The following TRAPPC8 variants were observed in gnomAD, a reference collection of about 807,000 sequenced individuals.
The protein encoded by TRAPPC8 is trafficking protein particle complex subunit 8.
A neutral mutation model predicts 174.3 loss-of-function variants in TRAPPC8; 54 were observed. That is an observed-to-expected ratio of 0.31 (90% CI 0.25 to 0.39). The LOEUF is 0.39. TRAPPC8 is among the 10% of genes least tolerant of loss of function. The pLI, the probability that TRAPPC8 is intolerant of heterozygous loss-of-function variation, is 1.00. For synonymous variants in TRAPPC8, 630 were observed against 579.9 expected (o/e 1.09, Z -1.24); for missense variants, 1,531 against 1,699.1 (o/e 0.90, Z 1.74).
At chr18:31,886,345 GAAAAAA>G (rs397858057) in intron 12 of TRAPPC8, among the ~76,000 whole-genome samples, 3 of 23,742 alleles carry the variant, frequency 1.3e-4, no homozygotes, top group Admixed American at 3.4e-4. Context: ...GTTTCTTGAG[GAAAAAA>G]AAAAAAAAAA....
chr18:31,871,130 A>T lies in TRAPPC8; in HGVS notation c.2063-10T>A. On this transcript the variant is annotated splice_polypyrimidine_tract_variant and intron_variant, in intron 14 of 28. Transcript: ENST00000283351. Reference sequence around the variant, plus strand: ...GCTGCTTGTTTTTCACCTAAAAAAAATTTGTTAACAACACGTTTATGAAGA... The same window carrying T: ...GCTGCTTGTTTTTCACCTAAAAAAATTTTGTTAACAACACGTTTATGAAGA... The T allele has an allele frequency of 6.6e-7, 1 of 1,508,640 alleles. No individual in the cohort carries two copies. Among genetic ancestry groups the T allele is most frequent in the Non-Finnish European group, 8.9e-7 (1 of 1,117,980 alleles). 93.5% of individuals were successfully genotyped at this position (1,508,640 alleles called of 1,614,324 possible). A position where few individuals can be genotyped will look rare whatever the true frequency, so the allele number is the denominator to read the frequency against.
At chr18:31,935,444 G>A (rs916458988) in intron 1 of TRAPPC8, among the ~76,000 whole-genome samples, 5 of 146,448 alleles carry the variant, frequency 3.4e-5, no homozygotes, top group African/African-American at 5.1e-5. Flanking sequence ...CCAGCTACTC[G>A]GCAGGCTGAG....
chr18:31,888,474 T>C (rs1053388363), intron 12 of TRAPPC8, among the ~76,000 whole-genome samples: 26 of 152,228 alleles, frequency 1.7e-4, no homozygotes, highest in African/African-American at 5.1e-4. Context: ...ATATGTTCAC[T>C]GCAGCACTAT....
At chr18:31,926,879 C>G (rs7229729) in intron 2 of TRAPPC8, among the ~76,000 whole-genome samples, 151,711 of 152,352 alleles carry the variant, frequency 1, 75,539 homozygotes, top group East Asian at 1. Context: ...AAAGGATAGA[C>G]AGTAATTAAG....
At chr18:31,903,859 A>C (rs78690643) in intron 9 of TRAPPC8, among the ~76,000 whole-genome samples, 806 of 79,942 alleles carry the variant, frequency 0.01, 4 homozygotes, top group Middle Eastern at 0.028. Context: ...GATCTGTATC[A>C]AAAAAAAAAA....
intron 9 of TRAPPC8, among the ~76,000 whole-genome samples, chr18:31,901,993 AT>A (rs2036448611): frequency 1.3e-5 from 2 of 152,156 alleles, no homozygotes; most frequent in South Asian, 4.1e-4. Context: ...TCACTGTAGT[AT>A]TTGACAGTTA....
At chr18:31,901,658 C>A (rs1424147382) in intron 9 of TRAPPC8, among the ~76,000 whole-genome samples, 2 of 152,158 alleles carry the variant, frequency 1.3e-5, no homozygotes, top group Non-Finnish European at 2.9e-5. Flanking sequence ...TTACGAAAGG[C>A]TCAGGCAAAT....
chr18:31,910,210 T>C (rs1273330947), intron 5 of TRAPPC8, among the ~76,000 whole-genome samples: 1 of 152,122 alleles, frequency 6.6e-6, no homozygotes, highest in Non-Finnish European at 1.5e-5. Context: ...ATTCTGAATA[T>C]ACTGAAGTGT....
At chr18:31,902,152 T>C (rs898714118) in intron 9 of TRAPPC8, among the ~76,000 whole-genome samples, 2 of 151,322 alleles carry the variant, frequency 1.3e-5, no homozygotes, top group African/African-American at 2.5e-5. Context: ...CTGTCTCTAA[T>C]AATAATACAA....
intron 11 of TRAPPC8, among the ~76,000 whole-genome samples, chr18:31,892,191 A>C (rs2035980757): frequency 6.6e-6 from 1 of 152,220 alleles, no homozygotes; most frequent in Non-Finnish European, 1.5e-5. Context: ...TTCCTAGCCC[A>C]TGCTTCATGT....
At position 31,914,105 on chromosome 18, in the gene TRAPPC8, C is replaced by G. The variant is rs2037031603; in HGVS notation, c.618-583G>C. On this transcript the variant is annotated intron_variant, in intron 4 of 28. Coordinates refer to ENST00000283351, the MANE Select transcript of TRAPPC8 (RefSeq NM_014939.5). Reference sequence around the variant, plus strand: ...TTGAGCCCAGGCACTGCACTCTAGCCTAGGCAACAGAGTGAGACCCCCATC... The same window carrying G: ...TTGAGCCCAGGCACTGCACTCTAGCGTAGGCAACAGAGTGAGACCCCCATC... Among the ~76,000 whole-genome samples the G allele has an allele frequency of 2.1e-5, 3 of 140,830 alleles. No individual in the cohort carries two copies. In the Admixed American group the frequency reaches 2.3e-4, roughly 11 times the overall value. The allele number at this position is 140,830 out of a possible 152,430, so 92.4% of individuals were successfully genotyped here. A position where few individuals can be genotyped will look rare whatever the true frequency, so the allele number is the denominator to read the frequency against.
intron 4 of TRAPPC8, among the ~76,000 whole-genome samples, chr18:31,913,901 G>C (rs563996545): frequency 6.6e-6 from 1 of 152,006 alleles, no homozygotes; most frequent in Non-Finnish European, 1.5e-5. Flanking sequence ...GACTCAGCGT[G>C]GTGGCCATAA....
intron 24 of TRAPPC8, 94 bp downstream of exon 24, chr18:31,852,352 C>G (rs111512055): frequency 5.6e-6 from 8 of 1,422,044 alleles, no homozygotes; most frequent in African/African-American, 1.4e-5. Flanking sequence ...CAAAAAAAAG[C>G]GTTTGGGAAT....
At chr18:31,836,081 G>A (rs941208504) in intron 27 of TRAPPC8, among the ~76,000 whole-genome samples, 1 of 152,182 alleles carries the variant, frequency 6.6e-6, no homozygotes, top group Non-Finnish European at 1.5e-5. Flanking sequence ...GAAATGGTTT[G>A]TTATGAAGCA....
rs139855120 is a variant in TRAPPC8 at position 31,899,127 on chromosome 18, T to C, written c.1491-1236A>G. 7.2e-3 allele frequency among the ~76,000 whole-genome samples: 1,101 copies of C among 152,336 alleles called. 13 individuals carry two copies. The highest frequency in any genetic ancestry group is 0.025 in the African/African-American group (1,055 of 41,588). On this transcript the variant is annotated intron_variant, in intron 10 of 28. Coordinates refer to ENST00000283351, the MANE Select transcript of TRAPPC8 (RefSeq NM_014939.5). Reference sequence around the variant, plus strand: ...TTGATGAACACAAAAGACTAACTCCTATATACTAGCAACTACTTATATAAT... The same window carrying C: ...TTGATGAACACAAAAGACTAACTCCCATATACTAGCAACTACTTATATAAT...
Position 31,830,956 on chromosome 18 carries a change from T to C in TRAPPC8, c.4107A>G (p.Thr1369=), listed in dbSNP as rs35890295. Residue 1369 remains threonine, a synonymous_variant, in exon 29 of 29, where the codon ACA becomes ACG. Transcript: ENST00000283351. ...GTTTATACTGTGTTTGTCCAAGCCA[T>C]GTGAATGATCCATGGATTTCCAGTG... ...PEALEIHGSF[T]WLGQTQYKLQ... is the part of the protein sequence containing the mutation. The C allele has an allele frequency of 1.4e-3, 2,181 of 1,613,876 alleles. 32 individuals are homozygous for C. The African/African-American group carries it at 0.026, about 19-fold the overall frequency.
At chr18:31,852,560 C>A in intron 23 of TRAPPC8, 35 bp downstream of exon 23, 1 of 1,613,514 alleles carries the variant, frequency 6.2e-7, no homozygotes, top group Non-Finnish European at 8.5e-7. Flanking sequence ...TATAAAATGA[C>A]CATTTAGTAA....
Position 31,897,810 on chromosome 18 carries a change from A to G in TRAPPC8, c.1572T>C (p.Ala524=), listed in dbSNP as rs915507384. 4.9e-5 allele frequency: 79 copies of G among 1,610,884 alleles called. No individual in the cohort carries two copies. Among genetic ancestry groups the G allele is most frequent in the Non-Finnish European group, 6.5e-5 (77 of 1,178,096 alleles). ...CCTCACTGGTCAACCGTATTAGGAG[A>G]GCTGCAGCCTCTGAATATTTGCTTT... The part of the protein sequence containing the change: ...KSQSKYSEAA[A]LLIRLTSEDS... Residue 524 remains alanine, a synonymous_variant, in exon 11 of 29, where the codon GCT becomes GCC. Transcript: ENST00000283351.
At chr18:31,923,070 G>A (rs2145580950) in intron 2 of TRAPPC8, among the ~76,000 whole-genome samples, 1 of 152,266 alleles carries the variant, frequency 6.6e-6, no homozygotes, top group East Asian at 1.9e-4. Flanking sequence ...TGGTAAGGAA[G>A]GGTAATATGG....
Sources: gnomAD v4.1 joint callset for allele counts (sites outside exome capture counted in the v4.1 genomes callset) on GRCh38, gnomAD v4.1.1 for gene constraint, MANE v1.5 for transcripts, NCBI Gene and HGNC (gene_info 2026-07-23, HGNC 2026-07-21) for gene names.